The following STS variants were observed in gnomAD, a reference collection of about 807,000 sequenced individuals.
STS encodes the protein steryl-sulfatase.
A neutral mutation model predicts 26.8 loss-of-function variants in STS; 7 were observed. The ratio of observed to expected loss-of-function variants is 0.26; its 90% CI spans 0.15 to 0.49. The LOEUF is 0.49. Among genes scored for constraint, STS ranks in the 20% least tolerant of loss-of-function variants. STS has a pLI of 0.98. For missense variants in STS, 434 were observed against 465.6 expected (o/e 0.93, Z 0.63); for synonymous variants, 199 against 189.4 (o/e 1.05, Z -0.42).
chrX:7,274,196 TTA>T (rs1486491555), intron 6 of STS, among the ~76,000 whole-genome samples: 1 of 111,335 alleles, frequency 9.0e-6, no homozygotes, highest in African/African-American at 3.3e-5. Context: ...TGAAGTGTAG[TTA>T]TTTAAGGAAC....
intron 2 of STS, among the ~76,000 whole-genome samples, chrX:7,240,974 C>T (rs1922590388): frequency 9.0e-6 from 1 of 111,334 alleles, no homozygotes; most frequent in Admixed American, 9.6e-5. Context: ...ATAAATGCCC[C>T]AAACCTAAAA....
At chrX:7,219,332 A>G (rs1921442889) in intron 2 of STS, 1 of 849,624 alleles carries the variant, frequency 1.2e-6, no homozygotes, top group Non-Finnish European at 1.5e-6. Flanking sequence ...CTTTGACACA[A>G]ATCATACCGA....
At chrX:7,215,023 T>TATATGTATATATATACATATATATACG (rs1491187263) in intron 2 of STS, among the ~76,000 whole-genome samples, 3 of 65,128 alleles carry the variant, frequency 4.6e-5, no homozygotes, top group African/African-American at 1.6e-4. Context: ...TATATATATA[T>TATATGTATATATATACATATATATACG]TATATATGTA....
At chrX:7,328,050 T>G (rs1175778575) in intron 9 of STS, among the ~76,000 whole-genome samples, 4 of 111,865 alleles carry the variant, frequency 3.6e-5, no homozygotes, top group African/African-American at 1.3e-4. Context: ...ATGGCAGCAG[T>G]GTCTCAGAAA....
At position 7,164,594 on chromosome X, in the gene STS, G is replaced by C. The variant is rs565585549; in HGVS notation, c.-134+16511G>C. On this transcript the variant is annotated intron_variant, in intron 1 of 10. Coordinates refer to ENST00000674429, the MANE Select transcript of STS (RefSeq NM_001320752.2). Reference sequence around the variant, plus strand: ...CCCAGCCAATTACCTAAGATGCAAAGAACCATTTACACGAATCTGGGGGAC... The same window carrying C: ...CCCAGCCAATTACCTAAGATGCAAACAACCATTTACACGAATCTGGGGGAC... Among the ~76,000 whole-genome samples, 26 of 111,038 alleles carry C rather than the reference G, an allele frequency of 2.3e-4. No individual in the cohort carries two copies. In the South Asian group the frequency reaches 1.0e-2, roughly 43 times the overall value.
intron 2 of STS, among the ~76,000 whole-genome samples, chrX:7,217,799 G>A (rs1354517308): frequency 9.0e-6 from 1 of 111,376 alleles, no homozygotes; most frequent in Non-Finnish European, 1.9e-5. Flanking sequence ...GGGCCATGAA[G>A]GCAAAACATA....
At chrX:7,286,642 C>G (rs1925147038) in intron 7 of STS, among the ~76,000 whole-genome samples, 2 of 111,461 alleles carry the variant, frequency 1.8e-5, no homozygotes, top group African/African-American at 3.3e-5. Context: ...TGATGACAAC[C>G]TCTACATTGC....
intron 1 of STS, among the ~76,000 whole-genome samples, chrX:7,168,032 G>A (rs901517170): frequency 9.0e-6 from 1 of 110,996 alleles, no homozygotes; most frequent in Non-Finnish European, 1.9e-5. Context: ...CAGCTGATTA[G>A]GCACCTTAAT....
intron 2 of STS, among the ~76,000 whole-genome samples, chrX:7,217,534 T>A (rs1011807144): frequency 3.6e-5 from 4 of 111,788 alleles, no homozygotes; most frequent in African/African-American, 1.3e-4. Context: ...CTATGGCAAC[T>A]TTTTGCCTTT....
intron 2 of STS, among the ~76,000 whole-genome samples, chrX:7,210,406 C>T (rs1472759890): frequency 9.2e-6 from 1 of 108,803 alleles, no homozygotes; most frequent in Admixed American, 9.9e-5. Context: ...TATATCTATA[C>T]ACACACACGT....
chrX:7,270,100 G>C (rs1359502781), intron 6 of STS, among the ~76,000 whole-genome samples: 1 of 112,139 alleles, frequency 8.9e-6, no homozygotes, highest in South Asian at 3.7e-4. Context: ...GCTGTCTTCT[G>C]TATTTTTAAC....
At chrX:7,206,754 A>G (rs1000214771) in intron 2 of STS, among the ~76,000 whole-genome samples, 1 of 112,366 alleles carries the variant, frequency 8.9e-6, no homozygotes, top group South Asian at 3.7e-4. Context: ...CCTGAAAGCT[A>G]TGCTGAAGGA....
At chrX:7,265,103 T>C (rs1308582837) in intron 6 of STS, among the ~76,000 whole-genome samples, 1 of 109,634 alleles carries the variant, frequency 9.1e-6, no homozygotes, top group Non-Finnish European at 1.9e-5. Context: ...GTCTACATGA[T>C]TGACCATGCT....
chrX:7,329,046 C>T (rs918413797), intron 9 of STS, among the ~76,000 whole-genome samples: 114 of 111,853 alleles, frequency 1.0e-3, no homozygotes, highest in Middle Eastern at 4.6e-3. Context: ...GAGGTCCTAG[C>T]TCCTGGTACT....
At chrX:7,325,155 G>A (rs751385764) in intron 8 of STS, among the ~76,000 whole-genome samples, 184 bp from the exon 9 acceptor site, 2 of 111,801 alleles carry the variant, frequency 1.8e-5, no homozygotes, top group African/African-American at 6.5e-5. Context: ...GGTGGTGACT[G>A]TATCATATAT....
intron 6 of STS, among the ~76,000 whole-genome samples, chrX:7,273,405 T>C (rs1327601859): frequency 9.0e-6 from 1 of 111,604 alleles, no homozygotes; most frequent in Non-Finnish European, 1.9e-5. Context: ...AATCAAGTCA[T>C]AGGACTGAAA....
chrX:7,232,741 T>C (rs1238436819), intron 2 of STS, among the ~76,000 whole-genome samples: 1 of 111,658 alleles, frequency 9.0e-6, no homozygotes, highest in Admixed American at 9.4e-5. Flanking sequence ...GGTGGTATGG[T>C]TTGGCTGTGT....
chrX:7,218,576 A>G (rs1326265583), intron 2 of STS, among the ~76,000 whole-genome samples: 3 of 112,247 alleles, frequency 2.7e-5, no homozygotes, highest in African/African-American at 9.7e-5. Context: ...GAGGAACCCT[A>G]TAGAGAATGA....
chrX:7,207,821 G>A (rs1920961218), intron 2 of STS, among the ~76,000 whole-genome samples: 1 of 112,251 alleles, frequency 8.9e-6, no homozygotes, highest in Non-Finnish European at 1.9e-5. Context: ...TTGACAGAAA[G>A]AATCGGCTAT....
Sources: gnomAD v4.1 joint callset for allele counts (sites outside exome capture counted in the v4.1 genomes callset) on GRCh38, gnomAD v4.1.1 for gene constraint, MANE v1.5 for transcripts, NCBI Gene and HGNC (gene_info 2026-07-23, HGNC 2026-07-21) for gene names.